Variants in AGBL3 observed in about 807,000 individuals in gnomAD.
AGBL3 encodes the protein cytosolic carboxypeptidase 3.
Under a neutral mutation model 94.5 loss-of-function variants are expected in AGBL3, and 68 were observed. That is an observed-to-expected ratio of 0.72 (90% CI 0.59 to 0.88). The LOEUF (loss-of-function observed/expected upper bound fraction) is 0.88, where lower values mean the gene tolerates loss of function less well. Ranked by LOEUF, AGBL3 falls within the 40% of genes least tolerant of loss-of-function variation. The pLI, the probability that AGBL3 is intolerant of heterozygous loss-of-function variation, is 0.00. For missense variants in AGBL3, 934 were observed against 1,103.8 expected (o/e 0.85, Z 2.18); for synonymous variants, 354 against 370.7 (o/e 0.95, Z 0.52).
intron 16 of AGBL3, among the ~76,000 whole-genome samples, chr7:135,127,262 A>G (rs776916360): frequency 2.6e-5 from 4 of 152,230 alleles, no homozygotes; most frequent in Non-Finnish European, 5.9e-5. Context: ...AAGCATATGT[A>G]AAAAAGCTCA....
chr7:135,067,554 A>C (rs1335082958), intron 12 of AGBL3, among the ~76,000 whole-genome samples: 3 of 152,066 alleles, frequency 2.0e-5, no homozygotes, highest in African/African-American at 7.2e-5. Context: ...CCAGAGGAAC[A>C]ATCAGGCAGC....
intron 11 of AGBL3, among the ~76,000 whole-genome samples, chr7:135,054,075 G>A (rs1040813550): frequency 2.0e-5 from 3 of 152,134 alleles, no homozygotes; most frequent in Non-Finnish European, 4.4e-5. Flanking sequence ...AGTCAGTACT[G>A]AGAGACCCTT....
chr7:135,028,239 T>C (rs1308088514), intron 5 of AGBL3, among the ~76,000 whole-genome samples: 1 of 151,542 alleles, frequency 6.6e-6, no homozygotes, highest in Non-Finnish European at 1.5e-5. Context: ...GTGAGTCAAT[T>C]AGACATAATT....
At chr7:135,133,676 A>G (rs1829099383) in intron 16 of AGBL3, among the ~76,000 whole-genome samples, 4 of 152,206 alleles carry the variant, frequency 2.6e-5, no homozygotes, top group African/African-American at 4.8e-5. Context: ...TGGAGAAAAA[A>G]GAGACTTTTC....
chr7:135,126,850 C>T (rs1165232637), intron 16 of AGBL3, among the ~76,000 whole-genome samples: 2 of 152,254 alleles, frequency 1.3e-5, no homozygotes, highest in East Asian at 3.9e-4. Context: ...CTTCCTTACA[C>T]CTTATACAAA....
At chr7:135,132,114 A>G (rs925846773) in intron 16 of AGBL3, among the ~76,000 whole-genome samples, 1 of 152,210 alleles carries the variant, frequency 6.6e-6, no homozygotes, top group South Asian at 2.1e-4. Flanking sequence ...ATTAATACCA[A>G]TTCTATACAA....
Position 135,032,931 on chromosome 7 carries a change from T to C in AGBL3, c.506T>C (p.Leu169Ser), listed in dbSNP as rs1383620853. 1.9e-6 allele frequency: 3 copies of C among 1,551,678 alleles called. No homozygotes were observed. The highest frequency in any genetic ancestry group is 3.9e-5 in the Admixed American group (2 of 50,962). ...KQPVDYRDNT[L>S]MFEARFESGN... ...CCTGTGGATTACCGTGACAATACTT[T>C]GATGTTTGAAGCAAGGTTTGAGAGT... Residue 169 changes from leucine to serine, a missense_variant, in exon 6 of 17, where the codon TTG becomes TCG. By Grantham distance (145) the Leu-to-Ser change is moderately radical (BLOSUM62 -2). Around this residue, in one of 3 missense-constraint regions of AGBL3, gnomAD observed 488 missense variants for 563.6 expected, o/e 0.87. Transcript: ENST00000436302.
intron 15 of AGBL3, among the ~76,000 whole-genome samples, chr7:135,102,112 T>G (rs1823927447): frequency 6.6e-6 from 1 of 152,220 alleles, no homozygotes; most frequent in Admixed American, 6.5e-5. Context: ...GGAGAATGTC[T>G]TTATCAGCAG....
intron 1 of AGBL3, among the ~76,000 whole-genome samples, chr7:134,987,566 G>C (rs1029295347): frequency 3.3e-5 from 5 of 152,046 alleles, no homozygotes; most frequent in African/African-American, 1.2e-4. Flanking sequence ...TAATGCCTCA[G>C]GATCATTCTG....
intron 16 of AGBL3, among the ~76,000 whole-genome samples, chr7:135,134,567 G>T (rs905109006): frequency 1.6e-4 from 24 of 151,872 alleles, no homozygotes; most frequent in Admixed American, 2.6e-4. Context: ...AGGAGCTGGG[G>T]CCCAGAGTGG....
At chr7:135,023,269 A>C (rs1814711488) in intron 5 of AGBL3, among the ~76,000 whole-genome samples, 1 of 152,166 alleles carries the variant, frequency 6.6e-6, no homozygotes, top group African/African-American at 2.4e-5. Context: ...CAAGTATATC[A>C]ACATACTTTG....
At chr7:135,081,813 C>T in intron 15 of AGBL3, 23 bp downstream of exon 15, 1 of 1,443,826 alleles carries the variant, frequency 6.9e-7, no homozygotes. Flanking sequence ...GGAACACAGA[C>T]AGTAATGAGT....
At chr7:134,992,411 TA>T (rs1178854065) in intron 3 of AGBL3, among the ~76,000 whole-genome samples, 1 of 152,262 alleles carries the variant, frequency 6.6e-6, no homozygotes, top group African/African-American at 2.4e-5. Context: ...AATCTTCATT[TA>T]TATTTCTGTT....
chr7:135,008,103 A>G (rs1164975171), intron 4 of AGBL3, among the ~76,000 whole-genome samples: 1 of 152,040 alleles, frequency 6.6e-6, no homozygotes, highest in Admixed American at 6.6e-5. Flanking sequence ...TTAGAATACC[A>G]GTGGGTTGCT....
At chr7:135,082,653 T>A (rs925311403) in intron 15 of AGBL3, among the ~76,000 whole-genome samples, 2 of 152,158 alleles carry the variant, frequency 1.3e-5, no homozygotes, top group South Asian at 2.1e-4. Context: ...ATTTTCATAG[T>A]GCTACCGCTA....
intron 15 of AGBL3, among the ~76,000 whole-genome samples, chr7:135,111,636 G>C (rs1825653287): frequency 6.6e-6 from 1 of 151,858 alleles, no homozygotes; most frequent in Admixed American, 6.6e-5. Context: ...GAATATCTGA[G>C]TGTCATATCT....
chr7:135,131,245 T>G (rs1240228479), intron 16 of AGBL3, among the ~76,000 whole-genome samples: 1 of 151,954 alleles, frequency 6.6e-6, no homozygotes, highest in East Asian at 1.9e-4. Flanking sequence ...TTTTCACTCA[T>G]AAGTGGGAGT....
intron 12 of AGBL3, among the ~76,000 whole-genome samples, chr7:135,073,864 G>A (rs866616866): frequency 2.0e-5 from 3 of 152,090 alleles, no homozygotes; most frequent in Admixed American, 6.6e-5. Context: ...AGGGTGCGGC[G>A]CCAGGCTGTT....
chr7:135,040,302 G>C lies in AGBL3; in HGVS notation c.1500+2722G>C, dbSNP rs141819136. Among the ~76,000 whole-genome samples, 1,076 of 152,190 alleles carry C rather than the reference G, an allele frequency of 7.1e-3. 15 individuals carry two copies. The highest frequency in any genetic ancestry group is 0.025 in the African/African-American group (1,026 of 41,522). On this transcript the variant is annotated intron_variant, in intron 8 of 16. Coordinates refer to ENST00000436302, the MANE Select transcript of AGBL3 (RefSeq NM_178563.4). ...CGGGATTACCATGATACCAACACAA[G>C]ACAAACATAGTACAAGAAAAGAAAA...
Sources: allele counts gnomAD v4.1 joint callset (sites outside exome capture counted in the v4.1 genomes callset), GRCh38; gene constraint gnomAD v4.1.1; regional missense constraint gnomAD v4.1.1; transcripts MANE v1.5; gene names NCBI Gene and HGNC (gene_info 2026-07-23, HGNC 2026-07-21).